Variants in RHOF observed in about 807,000 individuals in gnomAD.
RHOF encodes ras homolog family member F, filopodia associated, also known as rho-related GTP-binding protein RhoF.
A neutral mutation model predicts 22.2 loss-of-function variants in RHOF; 21 were observed. That is an observed-to-expected ratio of 0.95 (90% confidence interval 0.67 to 1.36). The LOEUF (loss-of-function observed/expected upper bound fraction) is 1.36, where lower values mean the gene tolerates loss of function less well. RHOF is among the 40% of genes most tolerant of loss of function. The probability of loss-of-function intolerance (pLI) is 0.00; values close to 1 mark genes in which losing one functional copy is unlikely to be tolerated. For synonymous variants in RHOF, 135 were observed against 131.2 expected (o/e 1.03, Z -0.20); for missense variants, 285 against 293.7 (o/e 0.97, Z 0.22).
rs557265714 is a variant in RHOF, at chr12:121,793,102, C to T, written c.226+50G>A. ...AGTGGGGGACGCCCGGGAGGGGAAA[C>T]CCTTCGGGCGGGCGGACCCTCGGGC... On this transcript the variant is annotated intron_variant, in intron 2 of 4. Transcript: ENST00000267205. The T allele has an allele frequency of 1.3e-5, 20 of 1,489,972 alleles. No individual in the cohort carries two copies. In the South Asian group the frequency reaches 2.2e-4, roughly 16 times the overall value. 92.3% of individuals were successfully genotyped at this position (1,489,972 alleles called of 1,614,324 possible).
Position 121,792,853 on chromosome 12 carries a change from G to C in RHOF, c.226+299C>G, listed in dbSNP as rs1020575798. ...CGCAGCAATCCTGGAACCATGGGAG[G>C]CCCAAGAGCAGCCCACTGCTTTCTA... On this transcript the variant is annotated intron_variant, in intron 2 of 4. Coordinates refer to ENST00000267205, the MANE Select transcript of RHOF (RefSeq NM_019034.3). Among the ~76,000 whole-genome samples, 28 of 152,242 alleles carry C rather than the reference G, an allele frequency of 1.8e-4. 1 individual carries two copies. Among genetic ancestry groups the C allele is most frequent in the Admixed American group, 1.8e-3 (27 of 15,280 alleles).
In RHOF at chr12:121,777,992, T is replaced by C. The variant is rs1008317914; in HGVS notation, c.*1506A>G. On this transcript the variant is annotated 3_prime_UTR_variant, in exon 5 of 5. Transcript: ENST00000267205. ...GACTTCTTGGAAGCTCAGGTTTAGC[T>C]GACGCCCCAGCACTGGGCCAGGGGG... 2.0e-5 allele frequency: 3 copies of C among 152,204 alleles called. No individual in the cohort carries two copies. The highest frequency in any genetic ancestry group is 7.2e-5 in the African/African-American group (3 of 41,440). 9.4% of individuals were successfully genotyped at this position (152,204 alleles called of 1,614,324 possible). A position where few individuals can be genotyped will look rare whatever the true frequency, so the allele number is the denominator to read the frequency against.
chr12:121,786,568 C>G (rs1050652812), intron 2 of RHOF, among the ~76,000 whole-genome samples: 1 of 152,178 alleles, frequency 6.6e-6, no homozygotes, highest in African/African-American at 2.4e-5. Flanking sequence ...GTTCACTCCT[C>G]CAGAAGGCTC....
At position 121,782,736 on chromosome 12, in the gene RHOF, G is replaced by A. The variant is rs1480202337; in HGVS notation, c.227-1544C>T. ...CTTCAGCCAGCTCCCCCATGGAACA[G>A]TGCTTAAGGGTGAGGTCACTAGAGA... is the stretch of plus-strand genomic sequence containing the variant. On this transcript the variant is annotated intron_variant, in intron 2 of 4. Coordinates refer to ENST00000267205, the MANE Select transcript of RHOF (RefSeq NM_019034.3). 2.0e-5 allele frequency: 3 copies of A among 152,304 alleles called. No individual in the cohort carries two copies. The South Asian group carries it at 6.2e-4, about 32-fold the overall frequency. 9.4% of individuals were successfully genotyped at this position (152,304 alleles called of 1,614,324 possible).
chr12:121,784,324 A>T (rs1159979532), intron 2 of RHOF, among the ~76,000 whole-genome samples: 2 of 151,802 alleles, frequency 1.3e-5, no homozygotes, highest in East Asian at 3.9e-4. Flanking sequence ...AGGCAGGGGG[A>T]TCACGAGGTC....
chr12:121,790,827 C>A (rs1451831701), intron 2 of RHOF, among the ~76,000 whole-genome samples: 1 of 152,182 alleles, frequency 6.6e-6, no homozygotes, highest in African/African-American at 2.4e-5. Context: ...AAAGCACAGG[C>A]TTGAGCTAGG....
Position 121,793,222 on chromosome 12 carries a change from C to A in RHOF, c.156G>T (p.Val52=). The change falls in exon 2 of 5, where the codon GTG becomes GTT. Residue 52 remains valine, a synonymous_variant. Transcript: ENST00000267205. ...GSFPEHYAPS[V]FEKYTASVTV... ...TCACGCTGGCCGTGTACTTCTCGAA[C>A]ACCGATGGGGCGTAGTGCTGCGGGA... 1.3e-6 allele frequency: 2 copies of A among 1,550,990 alleles called. No homozygotes were observed. Among genetic ancestry groups the A allele is most frequent in the South Asian group, 1.2e-5 (1 of 84,070 alleles).
At chr12:121,780,665 C>T (rs544140387) in intron 4 of RHOF, 9 of 617,896 alleles carry the variant, frequency 1.5e-5, no homozygotes, top group East Asian at 2.8e-5. Flanking sequence ...ATGTGAACAG[C>T]GCCTGCCTCC....
intron 2 of RHOF, among the ~76,000 whole-genome samples, chr12:121,783,629 C>T (rs1359697534): frequency 6.6e-6 from 1 of 152,090 alleles, no homozygotes; most frequent in Non-Finnish European, 1.5e-5. Flanking sequence ...ATTACAGGCG[C>T]CCACCACCAC....
At chr12:121,791,279 C>A (rs567803167) in intron 2 of RHOF, among the ~76,000 whole-genome samples, 64 of 152,326 alleles carry the variant, frequency 4.2e-4, no homozygotes, top group African/African-American at 1.4e-3. Context: ...GTGCCCACCA[C>A]CACACCCAGC....
At position 121,779,372 on chromosome 12, in the gene RHOF, A is replaced by T; in HGVS notation, c.*126T>A. 9.9e-7 allele frequency: 1 copy of T among 1,011,144 alleles called. No individual in the cohort carries two copies. Among genetic ancestry groups the T allele is most frequent in the African/African-American group, 1.6e-5 (1 of 61,834 alleles). 62.6% of individuals were successfully genotyped at this position (1,011,144 alleles called of 1,614,324 possible). ...AAAGGAGAGAGTTCCAGAATGTTCC[A>T]AGAGTCTAGCCGCAGGCCCCAGACA... On this transcript the variant is annotated 3_prime_UTR_variant, in exon 5 of 5. Coordinates refer to ENST00000267205, the MANE Select transcript of RHOF (RefSeq NM_019034.3).
intron 2 of RHOF, 156 bp from the exon 3 acceptor site, chr12:121,781,348 G>A: frequency 1.5e-6 from 1 of 650,804 alleles, no homozygotes; most frequent in Admixed American, 2.9e-5. Flanking sequence ...GCACAGGCCT[G>A]TGGTCGCAGC....
chr12:121,779,562 A>T lies in RHOF; in HGVS notation c.572T>A (p.Val191Glu), dbSNP rs1431661321. ...VEDVFREAAK[V>E]ALSALKKAQR... ...CGCCTTCTTCAGAGCGCTGAGAGCC[A>T]CCTTGGCGGCCTCCCGGAAGACGTC... The change falls in exon 5 of 5, where the codon GTG becomes GAG. Residue 191 changes from valine (V) to glutamate (E), a missense_variant. Val to Glu is a moderately radical substitution (Grantham distance 121, BLOSUM62 -2). Coordinates refer to ENST00000267205, the MANE Select transcript of RHOF (RefSeq NM_019034.3). 3 of 1,613,966 alleles carry T rather than the reference A, an allele frequency of 1.9e-6. No individual in the cohort carries two copies. Among genetic ancestry groups the T allele is most frequent in the Non-Finnish European group, 2.5e-6 (3 of 1,180,040 alleles).
chr12:121,781,907 G>C (rs917388345), intron 2 of RHOF: 3 of 152,232 alleles, frequency 2.0e-5, no homozygotes, highest in African/African-American at 7.2e-5. Flanking sequence ...TCCGGAGGCC[G>C]TGACGCCTGG....
At chr12:121,784,897 G>T (rs944470036) in intron 2 of RHOF, among the ~76,000 whole-genome samples, 5 of 152,214 alleles carry the variant, frequency 3.3e-5, no homozygotes, top group African/African-American at 1.2e-4. Flanking sequence ...CACAAGGGTG[G>T]ATTCCAAGAC....
intron 2 of RHOF, 72 bp downstream of exon 2, chr12:121,793,066 CGGGGACACCCAGTG>C: frequency 8.6e-7 from 1 of 1,157,530 alleles, no homozygotes; most frequent in South Asian, 1.3e-5. Flanking sequence ...GGCTGCAGGG[CGGGGACACCCAGTG>C]GGGGACGCCC....
chr12:121,787,486 C>A (rs1874637265), intron 2 of RHOF, among the ~76,000 whole-genome samples: 1 of 152,236 alleles, frequency 6.6e-6, no homozygotes, highest in South Asian at 2.1e-4. Flanking sequence ...GCCTTCCCAA[C>A]CGGGAATTAA....
chr12:121,793,347 AC>A, intron 1 of RHOF, 108 bp from the exon 2 acceptor site: 1 of 1,425,358 alleles, frequency 7.0e-7, no homozygotes, highest in Non-Finnish European at 9.6e-7. Flanking sequence ...GCCCCCCCTC[AC>A]CCCGCTGGGC....
chr12:121,779,889 G>A (rs905198661), intron 4 of RHOF: 5 of 540,860 alleles, frequency 9.2e-6, no homozygotes, highest in Non-Finnish European at 1.7e-5. Context: ...CCCCACCCTG[G>A]CCTCTCTCCA....
Sources: allele counts gnomAD v4.1 joint callset (sites outside exome capture counted in the v4.1 genomes callset), GRCh38; gene constraint gnomAD v4.1.1; transcripts MANE v1.5; gene names NCBI Gene and HGNC (gene_info 2026-07-23, HGNC 2026-07-21).